The following TOMM70 variants were observed in gnomAD, a reference collection of about 807,000 sequenced individuals.
TOMM70 encodes the protein translocase of outer mitochondrial membrane 70.
A neutral mutation model predicts 73.6 loss-of-function variants in TOMM70; 13 were observed. The observed-to-expected ratio is 0.18, with a 90% CI of 0.11 to 0.28. The LOEUF (loss-of-function observed/expected upper bound fraction) is 0.28. TOMM70 is among the 10% of genes least tolerant of loss of function. The pLI is 1.00. For missense variants in TOMM70, 609 were observed against 747.5 expected (o/e 0.81, Z 2.16); for synonymous variants, 257 against 271.2 (o/e 0.95, Z 0.51).
At chr3:100,386,698 G>A in intron 2 of TOMM70, 107 bp downstream of exon 2, 1 of 1,350,802 alleles carries the variant, frequency 7.4e-7, no homozygotes, top group Non-Finnish European at 1.0e-6. Flanking sequence ...CCATAATTTT[G>A]AAACAACTTC....
intron 4 of TOMM70, among the ~76,000 whole-genome samples, chr3:100,383,318 T>A (rs1706655659): frequency 6.6e-6 from 1 of 151,968 alleles, no homozygotes; most frequent in Admixed American, 6.6e-5. Flanking sequence ...GCTCAGGAGT[T>A]CGAGACCAGC....
Position 100,377,765 on chromosome 3 carries a change from A to T in TOMM70, c.1032T>A (p.Asn344Lys). 1 of 1,614,216 alleles carries T rather than the reference A, an allele frequency of 6.2e-7. No homozygotes were observed. The highest frequency in any genetic ancestry group is 8.5e-7 in the Non-Finnish European group (1 of 1,180,042). The change falls in exon 6 of 12, where the codon AAT becomes AAA. Residue 344 changes from asparagine to lysine, a missense_variant. By Grantham distance (94) the Asn-to-Lys change is moderately conservative. This residue lies in a region of TOMM70 where 432 missense variants were observed against 584.1 expected (regional missense o/e 0.74). Coordinates refer to ENST00000284320, the MANE Select transcript of TOMM70 (RefSeq NM_014820.5). The stretch of plus-strand genomic sequence containing the variant: ...CTAAATCTGGTTTGGCTGCATTGGC[A>T]TTGCCAATAAGCAGGTAGAAGGTAG... ...LRATFYLLIG[N>K]ANAAKPDLDK...
At chr3:100,373,456 G>T in intron 8 of TOMM70, 82 bp downstream of exon 8, 1 of 1,140,752 alleles carries the variant, frequency 8.8e-7, no homozygotes, top group Non-Finnish European at 1.2e-6. Context: ...AGACGACTTT[G>T]TAGACAATGA....
chr3:100,386,748 A>G, intron 2 of TOMM70, 57 bp downstream of exon 2: 1 of 1,563,872 alleles, frequency 6.4e-7, no homozygotes, highest in Non-Finnish European at 8.6e-7. Context: ...TTTAACTGAA[A>G]CTTTAAGCAA....
intron 9 of TOMM70, among the ~76,000 whole-genome samples, chr3:100,370,128 G>A (rs985514515): frequency 6.6e-6 from 1 of 152,104 alleles, no homozygotes; most frequent in Admixed American, 6.5e-5. Context: ...AATGTAGCCA[G>A]CACATCTTCT....
At chr3:100,391,279 T>A (rs1003810534) in intron 1 of TOMM70, among the ~76,000 whole-genome samples, 13 of 152,170 alleles carry the variant, frequency 8.5e-5, no homozygotes, top group African/African-American at 3.1e-4. Flanking sequence ...TACTTTTTTT[T>A]AAAGTTAACT....
intron 6 of TOMM70, 71 bp downstream of exon 6, chr3:100,377,634 A>T: frequency 6.7e-7 from 1 of 1,488,864 alleles, no homozygotes; most frequent in South Asian, 1.2e-5. Flanking sequence ...TGCTTTAAAA[A>T]ATCTGGCAAA....
rs890442926 is a variant in TOMM70 at position 100,375,047 on chromosome 3, T to C, written c.1198A>G (p.Asn400Asp). 1 of 1,608,820 alleles carries C rather than the reference T, an allele frequency of 6.2e-7. No individual in the cohort carries two copies. The highest frequency in any genetic ancestry group is 1.3e-5 in the African/African-American group (1 of 74,670). Residue 400 changes from asparagine (N) to aspartate (D), a missense_variant, in exon 7 of 12, where the codon AAT becomes GAT. By Grantham distance (23) the Asn-to-Asp change is conservative. Around this residue, in one of 2 missense-constraint regions of TOMM70, gnomAD observed 432 missense variants for 584.1 expected, o/e 0.74. Coordinates refer to ENST00000284320, the MANE Select transcript of TOMM70 (RefSeq NM_014820.5). The part of the protein sequence containing the change: ...FNMAADIDPQ[N>D]ADVYHHRGQL... ...CCTCGGTGGTGATAAACATCTGCAT[T>C]CTGAGGATCGATGTCAGCAGCCATG...
chr3:100,365,378 G>T lies in TOMM70; in HGVS notation c.*186C>A. On this transcript the variant is annotated 3_prime_UTR_variant, in exon 12 of 12. Coordinates refer to ENST00000284320, the MANE Select transcript of TOMM70 (RefSeq NM_014820.5). ...GTTGCACAGGGAATAAAAGCTGCAA[G>T]ACTGCAAACTTCCTTCAACAGCCAC... The T allele has an allele frequency of 2.8e-6, 2 of 721,684 alleles. No homozygotes were observed. The highest frequency in any genetic ancestry group is 3.2e-5 in the South Asian group (1 of 31,486). The allele number at this position is 721,684 out of a possible 1,614,324, so 44.7% of individuals were successfully genotyped here.
rs115227601 is a variant in TOMM70 at position 100,365,009 on chromosome 3, A to G, written c.*555T>C. ...TAATAAGTGCCACCAAGTTTCTAAAACTGCAGAATCAGAGGCATTGTGCAT... is the reference window on the plus strand; with the variant it reads ...TAATAAGTGCCACCAAGTTTCTAAAGCTGCAGAATCAGAGGCATTGTGCAT... On this transcript the variant is annotated 3_prime_UTR_variant, in exon 12 of 12. Coordinates refer to ENST00000284320, the MANE Select transcript of TOMM70 (RefSeq NM_014820.5). The G allele has an allele frequency of 0.012, 1,897 of 152,732 alleles. 14 individuals carry two copies. The highest frequency in any genetic ancestry group is 0.019 in the Admixed American group (291 of 15,378). 9.5% of individuals were successfully genotyped at this position (152,732 alleles called of 1,614,324 possible).
At chr3:100,400,231 A>AT (rs777943079) in intron 1 of TOMM70, among the ~76,000 whole-genome samples, 2 of 152,182 alleles carry the variant, frequency 1.3e-5, no homozygotes, top group Non-Finnish European at 2.9e-5. Flanking sequence ...GCTCTTAGCG[A>AT]TTAGGTTGTA....
chr3:100,370,899 C>T (rs1328253482), intron 9 of TOMM70, among the ~76,000 whole-genome samples: 3 of 152,088 alleles, frequency 2.0e-5, no homozygotes, highest in Non-Finnish European at 2.9e-5. Context: ...GGTTCCTATT[C>T]GGTGGCCTTT....
chr3:100,378,852 A>G (rs567722961), intron 5 of TOMM70, among the ~76,000 whole-genome samples: 1 of 152,120 alleles, frequency 6.6e-6, no homozygotes, highest in East Asian at 1.9e-4. Flanking sequence ...TAAAAATACA[A>G]AAAAATTAGT....
intron 6 of TOMM70, 186 bp downstream of exon 6, chr3:100,377,519 A>G (rs750646894): frequency 3.5e-5 from 21 of 604,080 alleles, no homozygotes; most frequent in Admixed American, 9.2e-5. Context: ...ATAAAGATAA[A>G]TATCATTGAT....
rs1706430500 is a variant in TOMM70 at position 100,364,812 on chromosome 3, T to C, written c.*752A>G. 6.6e-6 allele frequency: 1 copy of C among 152,220 alleles called. No individual in the cohort carries two copies. Among genetic ancestry groups the C allele is most frequent in the Admixed American group, 6.5e-5 (1 of 15,284 alleles). The allele number at this position is 152,220 out of a possible 1,614,324, so 9.4% of individuals were successfully genotyped here. A position where few individuals can be genotyped will look rare whatever the true frequency, so the allele number is the denominator to read the frequency against. Reference sequence around the variant, plus strand: ...TCACAGACAATTATAAACACACTACTGTTTCATCTTACCTCTTTGTCTGGT... The same window carrying C: ...TCACAGACAATTATAAACACACTACCGTTTCATCTTACCTCTTTGTCTGGT... On this transcript the variant is annotated 3_prime_UTR_variant, in exon 12 of 12. Coordinates refer to ENST00000284320, the MANE Select transcript of TOMM70 (RefSeq NM_014820.5).
At chr3:100,371,022 C>T (rs1158232698) in intron 9 of TOMM70, among the ~76,000 whole-genome samples, 1 of 152,122 alleles carries the variant, frequency 6.6e-6, no homozygotes, top group African/African-American at 2.4e-5. Flanking sequence ...AAGGCATAAA[C>T]TCAAGTGTAC....
At chr3:100,390,027 G>A (rs1706740759) in intron 1 of TOMM70, among the ~76,000 whole-genome samples, 1 of 152,074 alleles carries the variant, frequency 6.6e-6, no homozygotes, top group African/African-American at 2.4e-5. Flanking sequence ...GAGACAGAGT[G>A]TGACTCCATC....
chr3:100,400,477 G>A, intron 1 of TOMM70, 149 bp downstream of exon 1: 1 of 843,584 alleles, frequency 1.2e-6, no homozygotes, highest in African/African-American at 1.8e-5. Flanking sequence ...GCCCTCCACT[G>A]GCAGCCAGAA....
rs536401390 is a variant in TOMM70 at position 100,388,539 on chromosome 3, A to G, written c.325-1561T>C. Among the ~76,000 whole-genome samples, 3 of 152,316 alleles carry G rather than the reference A, an allele frequency of 2.0e-5. No individual in the cohort carries two copies. The South Asian group carries it at 6.2e-4, about 32-fold the overall frequency. ...ATTAGCCTGGACAACATATTGAGAC[A>G]TTGAGACCAGACTCTCTTAAAAGAG... On this transcript the variant is annotated intron_variant, in intron 1 of 11. Transcript: ENST00000284320.
Sources: allele counts gnomAD v4.1 joint callset (sites outside exome capture counted in the v4.1 genomes callset), GRCh38; gene constraint gnomAD v4.1.1; regional missense constraint gnomAD v4.1.1; transcripts MANE v1.5; gene names NCBI Gene and HGNC (gene_info 2026-07-23, HGNC 2026-07-21).